CNPY4: variants seen among roughly 807,000 people sequenced by gnomAD.
CNPY4 encodes the protein canopy FGF signaling regulator 4.
CNPY4 carries 33 observed loss-of-function variants against 30.1 expected under a neutral mutation model. The ratio of observed to expected loss-of-function variants is 1.10; its 90% CI spans 0.83 to 1.46. The LOEUF (loss-of-function observed/expected upper bound fraction) is 1.46, where lower values mean the gene tolerates loss of function less well. CNPY4 is among the 40% of genes most tolerant of loss of function. CNPY4 has a pLI of 0.00. For missense variants in CNPY4, 324 were observed against 302.6 expected (o/e 1.07, Z -0.52); for synonymous variants, 109 against 110.1 (o/e 0.99, Z 0.06).
chr7:100,119,745 A>ATGGGACC lies in CNPY4; in HGVS notation c.4_10dup (p.Val4?), dbSNP rs1156899716. 8.1e-6 allele frequency: 13 copies of ATGGGACC among 1,614,198 alleles called. No homozygotes were observed. The highest frequency in any genetic ancestry group is 1.1e-5 in the Non-Finnish European group (13 of 1,180,018). ...GATTGTTTGTAGACGGCGCTTTGTC[A>ATGGGACC]TGGGACCTGTGCGGTTGGGAATATT... On this transcript the variant is annotated frameshift_variant and start_lost, in exon 1 of 6. Coordinates refer to ENST00000262932, the MANE Select transcript of CNPY4 (RefSeq NM_152755.2). LOFTEE classifies it high-confidence loss of function.
rs756177329 is a variant in CNPY4, at chr7:100,119,699, C to T, written c.-46C>T. 4.3e-6 allele frequency: 7 copies of T among 1,613,924 alleles called. No homozygotes were observed. In the East Asian group the frequency reaches 1.6e-4, roughly 36 times the overall value. On this transcript the variant is annotated 5_prime_UTR_variant, in exon 1 of 6. Coordinates refer to ENST00000262932, the MANE Select transcript of CNPY4 (RefSeq NM_152755.2). ...AATTTAAGGGACCCACACTACCTTC[C>T]CGAAGTTGAAGGCAAGCGGTGATTG...
chr7:100,121,088 TTTTATATA>T (rs1176554744), intron 1 of CNPY4: 3 of 41,470 alleles, frequency 7.2e-5, no homozygotes, highest in South Asian at 7.9e-4. Flanking sequence ...ATTGTATTAA[TTTTATATA>T]TATATATATA....
In CNPY4 at chr7:100,122,908, T is replaced by C. The variant is rs1798112795; in HGVS notation, c.465+2T>C. The C allele has an allele frequency of 1.2e-6, 2 of 1,611,562 alleles. No homozygotes were observed. Among genetic ancestry groups the C allele is most frequent in the Non-Finnish European group, 1.7e-6 (2 of 1,178,982 alleles). ...GAGGTCACATACCTCAAGAAGCAGG[T>C]AGGATAAGACACTGCACCATCCAGG... On this transcript the variant is annotated splice_donor_variant, in intron 4 of 5. Coordinates refer to ENST00000262932, the MANE Select transcript of CNPY4 (RefSeq NM_152755.2). LOFTEE classifies it high-confidence loss of function.
At position 100,124,548 on chromosome 7, in the gene CNPY4, T is replaced by C; in HGVS notation, c.500T>C (p.Val167Ala). 6.2e-7 allele frequency: 1 copy of C among 1,612,886 alleles called. No homozygotes were observed. Among genetic ancestry groups the C allele is most frequent in the Non-Finnish European group, 8.5e-7 (1 of 1,179,784 alleles). ...ETMLEEFEDI[V>A]GDWYFHHQEQ... ...ATGTTGGAGGAGTTTGAAGACATTG[T>C]GGGAGACTGGTACTTCCACCATCAG... Residue 167 changes from valine (V) to alanine (A), a missense_variant, in exon 5 of 6, where the codon GTG becomes GCG. Val to Ala is a moderately conservative substitution (Grantham distance 64). Coordinates refer to ENST00000262932, the MANE Select transcript of CNPY4 (RefSeq NM_152755.2).
At position 100,124,862 on chromosome 7, in the gene CNPY4, C is replaced by G. The variant is rs752179774; in HGVS notation, c.721C>G (p.Pro241Ala). The change falls in exon 6 of 6, where the codon CCC becomes GCC. Residue 241 changes from proline to alanine, a missense_variant. Transcript: ENST00000262932. Reference sequence around the variant, plus strand: ...CAAGATGACCAAGACAGGAAGCCACCCCAAACTTGACCGAGAAGATCTTTG... The same window carrying G: ...CAAGATGACCAAGACAGGAAGCCACGCCAAACTTGACCGAGAAGATCTTTG... ...GDKMTKTGSHPKLDREDL is the reference protein window; with the variant it reads ...GDKMTKTGSHAKLDREDL 6.2e-7 allele frequency: 1 copy of G among 1,602,784 alleles called. No homozygotes were observed. The highest frequency in any genetic ancestry group is 1.1e-5 in the South Asian group (1 of 89,438).
chr7:100,121,603 C>A (rs1584586345), intron 1 of CNPY4, among the ~76,000 whole-genome samples: 1 of 151,854 alleles, frequency 6.6e-6, no homozygotes. Flanking sequence ...CACCACCACA[C>A]CTGGCTAGTT....
Position 100,122,879 on chromosome 7 carries a change from C to CGTG in CNPY4, c.440_442dup (p.Val147dup). The CGTG allele has an allele frequency of 6.2e-7, 1 of 1,613,416 alleles. No homozygotes were observed. The highest frequency in any genetic ancestry group is 8.5e-7 in the Non-Finnish European group (1 of 1,179,852). On this transcript the variant is annotated inframe_insertion, in exon 4 of 6. Transcript: ENST00000262932. ...CTCTGGAGCTTTGGGATGAGCCCAG[C>CGTG]GTGGAGGTCACATACCTCAAGAAGC... is the stretch of plus-strand genomic sequence containing the variant.
intron 1 of CNPY4, chr7:100,121,127 T>A (rs1798049882): frequency 5.7e-3 from 414 of 72,686 alleles, no homozygotes; most frequent in Middle Eastern, 0.016. Context: ...TTTTTTTTTT[T>A]TTTTTTTTTT....
At chr7:100,122,746 TG>T in intron 3 of CNPY4, 37 bp from the exon 4 acceptor site, 3 of 1,592,002 alleles carry the variant, frequency 1.9e-6, no homozygotes, top group East Asian at 2.2e-5. Flanking sequence ...AGGGGTGGGG[TG>T]GTGAGCTGGG....
chr7:100,119,666 C>T lies in CNPY4; in HGVS notation c.-79C>T, dbSNP rs760204447. Reference sequence around the variant, plus strand: ...GGCTGGATTTAAGGTTGCCGCTAGCCGCCTGGGAATTTAAGGGACCCACAC... The same window carrying T: ...GGCTGGATTTAAGGTTGCCGCTAGCTGCCTGGGAATTTAAGGGACCCACAC... On this transcript the variant is annotated 5_prime_UTR_variant, in exon 1 of 6. Coordinates refer to ENST00000262932, the MANE Select transcript of CNPY4 (RefSeq NM_152755.2). The T allele has an allele frequency of 6.2e-7, 1 of 1,611,530 alleles. No homozygotes were observed. The highest frequency in any genetic ancestry group is 2.2e-5 in the East Asian group (1 of 44,616).
At chr7:100,121,108 A>ATTTTTT (rs1562938218) in intron 1 of CNPY4, 1 of 17,896 alleles carries the variant, frequency 5.6e-5, no homozygotes. Context: ...ATATATATAT[A>ATTTTTT]TATATATATT....
rs141457365 is a variant in CNPY4, at chr7:100,124,796, CAGGAGG to C, written c.666_671del (p.Glu228_Glu229del). The C allele has an allele frequency of 5.8e-3, 9,338 of 1,612,462 alleles. 494 individuals carry two copies. In the African/African-American group the frequency reaches 0.11, roughly 19 times the overall value. On this transcript the variant is annotated inframe_deletion, in exon 6 of 6. Coordinates refer to ENST00000262932, the MANE Select transcript of CNPY4 (RefSeq NM_152755.2). Reference sequence around the variant, plus strand: ...AGAGAAAACAGAAGGGGAGGAAGAGCAGGAGGAGGAGGAGGAAGAGGAGGAAGAGGA... The same window carrying C: ...AGAGAAAACAGAAGGGGAGGAAGAGCAGGAGGAGGAAGAGGAGGAAGAGGA...
At chr7:100,120,499 C>G (rs956036789) in intron 1 of CNPY4, 1 of 152,320 alleles carries the variant, frequency 6.6e-6, no homozygotes, top group African/African-American at 2.4e-5. Context: ...CCCTAGTTTG[C>G]TGCCCTCCTG....
At chr7:100,124,669 T>A in intron 5 of CNPY4, 38 bp downstream of exon 5, 1 of 1,611,658 alleles carries the variant, frequency 6.2e-7, no homozygotes, top group Non-Finnish European at 8.5e-7. Context: ...TGCCAAGCCA[T>A]AGCCTCCCCT....
chr7:100,121,265 A>G (rs1198478905), intron 1 of CNPY4: 2 of 149,164 alleles, frequency 1.3e-5, no homozygotes, highest in Admixed American at 6.7e-5. Context: ...CAGCCTCCCA[A>G]GTAGCTGGGA....
At chr7:100,123,161 G>A (rs1031134551) in intron 4 of CNPY4, among the ~76,000 whole-genome samples, 6 of 151,982 alleles carry the variant, frequency 3.9e-5, no homozygotes, top group Non-Finnish European at 7.4e-5. Context: ...GGCCAACAAG[G>A]CAAAACCCCG....
At chr7:100,123,828 A>G (rs1798145469) in intron 4 of CNPY4, among the ~76,000 whole-genome samples, 1 of 152,154 alleles carries the variant, frequency 6.6e-6, no homozygotes, top group Non-Finnish European at 1.5e-5. Flanking sequence ...CCTTAAGGAA[A>G]ATTTTTAAAA....
chr7:100,119,857 G>A lies in CNPY4; in HGVS notation c.113G>A (p.Cys38Tyr). ...DDDTERLPSK[C>Y]EVCKLLSTEL... is the part of the protein sequence containing the mutation. ...GACACAGAACGCTTGCCCAGCAAAT[G>A]CGAAGGTATTTGAAGGGGGTAGCCC... is the stretch of plus-strand genomic sequence containing the variant. The change falls in exon 1 of 6, where the codon TGC becomes TAC. Residue 38 changes from cysteine (C) to tyrosine (Y), a missense_variant. Physicochemically the swap from Cys to Tyr is radical, Grantham distance 194. Transcript: ENST00000262932. The A allele has an allele frequency of 6.2e-7, 1 of 1,611,508 alleles. No homozygotes were observed. Among genetic ancestry groups the A allele is most frequent in the Non-Finnish European group, 8.5e-7 (1 of 1,178,968 alleles).
rs1315501203 is a variant in CNPY4 at position 100,122,257 on chromosome 7, AGTGT to A, written c.120_123del (p.Cys41SerfsTer3). The A allele has an allele frequency of 6.3e-7, 1 of 1,594,144 alleles. No individual in the cohort carries two copies. The highest frequency in any genetic ancestry group is 1.3e-5 in the African/African-American group (1 of 74,094). ...CCCCCGGACGTTTCTCCTCCCCACC[AGTGT>A]GTAAGCTGCTGAGCACAGAGCTACA... On this transcript the variant is annotated splice_acceptor_variant and coding_sequence_variant, in exon 2 of 6. Coordinates refer to ENST00000262932, the MANE Select transcript of CNPY4 (RefSeq NM_152755.2). LOFTEE classifies it high-confidence loss of function.
Sources: gnomAD v4.1 joint callset for allele counts (sites outside exome capture counted in the v4.1 genomes callset) on GRCh38, gnomAD v4.1.1 for gene constraint, MANE v1.5 for transcripts, NCBI Gene and HGNC (gene_info 2026-07-23, HGNC 2026-07-21) for gene names.